The following ADAMTS16 variants were observed in gnomAD, a reference collection of about 807,000 sequenced individuals.
ADAMTS16 encodes ADAM metallopeptidase with thrombospondin type 1 motif 16.
ADAMTS16 carries 94 observed loss-of-function variants against 145.8 expected under a neutral mutation model. The observed-to-expected ratio is 0.64, with a 90% CI of 0.55 to 0.77. The LOEUF is 0.77. ADAMTS16 is among the 30% of genes least tolerant of loss of function. The pLI is 0.00. For missense variants in ADAMTS16, 1,585 were observed against 1,591.5 expected, an observed-to-expected ratio of 1.00 and a Z score of 0.07; for synonymous variants, 659 against 604.3, an observed-to-expected ratio of 1.09 and a Z score of -1.33.
intron 18 of ADAMTS16, among the ~76,000 whole-genome samples, chr5:5,297,085 T>G (rs1244881841): frequency 6.6e-6 from 1 of 152,198 alleles, no homozygotes; most frequent in Non-Finnish European, 1.5e-5. Flanking sequence ...AAAATGTGCA[T>G]CACCTTGCTT....
chr5:5,268,598 A>T (rs1410186310), intron 18 of ADAMTS16, among the ~76,000 whole-genome samples: 1 of 152,122 alleles, frequency 6.6e-6, no homozygotes, highest in Non-Finnish European at 1.5e-5. Context: ...GTATCCCTCA[A>T]GGTCCATTTC....
chr5:5,235,236 A>G (rs749689285), intron 13 of ADAMTS16, 50 bp downstream of exon 13: 7 of 1,446,302 alleles, frequency 4.8e-6, no homozygotes, highest in Non-Finnish European at 6.5e-6. Flanking sequence ...TACTACCTTT[A>G]CTTTTTAAAG....
At chr5:5,246,667 T>C (rs1737452452) in intron 17 of ADAMTS16, among the ~76,000 whole-genome samples, 1 of 152,250 alleles carries the variant, frequency 6.6e-6, no homozygotes, top group African/African-American at 2.4e-5. Context: ...AAAGTCGGTG[T>C]TGCTTTACAT....
rs1734216040 is a variant in ADAMTS16 at position 5,319,829 on chromosome 5, C to T, written c.*691C>T. 1 of 453,882 alleles carries T rather than the reference C, an allele frequency of 2.2e-6. No homozygotes were observed. Among genetic ancestry groups the T allele is most frequent in the Non-Finnish European group, 4.4e-6 (1 of 226,374 alleles). The allele number at this position is 453,882 out of a possible 1,614,324, so 28.1% of individuals were successfully genotyped here. A position where few individuals can be genotyped will look rare whatever the true frequency, so the allele number is the denominator to read the frequency against. On this transcript the variant is annotated 3_prime_UTR_variant, in exon 23 of 23. Coordinates refer to ENST00000274181, the MANE Select transcript of ADAMTS16 (RefSeq NM_139056.4). Reference sequence around the variant, plus strand: ...CCTGCTAAGGTGCTTCTATCTCTTTCAGATTCATGCATTGAAGGAGAGATT... The same window carrying T: ...CCTGCTAAGGTGCTTCTATCTCTTTTAGATTCATGCATTGAAGGAGAGATT...
chr5:5,198,778 G>A (rs1445271292), intron 8 of ADAMTS16, among the ~76,000 whole-genome samples: 1 of 152,190 alleles, frequency 6.6e-6, no homozygotes, highest in Non-Finnish European at 1.5e-5. Flanking sequence ...AACAAGTACA[G>A]ATTCTCTTGA....
chr5:5,272,115 G>A (rs559916333), intron 18 of ADAMTS16, among the ~76,000 whole-genome samples: 2 of 152,204 alleles, frequency 1.3e-5, no homozygotes, highest in East Asian at 1.9e-4. Context: ...TAATGCACCC[G>A]TTACCAAGGG....
chr5:5,208,196 C>T (rs181073794), intron 9 of ADAMTS16, among the ~76,000 whole-genome samples: 7 of 152,132 alleles, frequency 4.6e-5, no homozygotes, highest in South Asian at 4.1e-4. Flanking sequence ...AGCAGTGGAA[C>T]GTGGGACTGG....
rs1739810396 is a variant in ADAMTS16 at position 5,302,217 on chromosome 5, G to A, written c.2790-1051G>A. Among the ~76,000 whole-genome samples the A allele has an allele frequency of 3.3e-5, 5 of 152,312 alleles. No homozygotes were observed. In the South Asian group the frequency reaches 8.3e-4, roughly 25 times the overall value. On this transcript the variant is annotated intron_variant, in intron 18 of 22. Transcript: ENST00000274181. Reference sequence around the variant, plus strand: ...TGTCTTGATCAAAGGTGATGCCACTGGGCAAAGCCTGGCTCAGACTCCACT... The same window carrying A: ...TGTCTTGATCAAAGGTGATGCCACTAGGCAAAGCCTGGCTCAGACTCCACT...
intron 11 of ADAMTS16, among the ~76,000 whole-genome samples, chr5:5,224,444 C>A (rs1403011393): frequency 6.6e-6 from 1 of 152,134 alleles, no homozygotes; most frequent in Non-Finnish European, 1.5e-5. Flanking sequence ...CGCCCGCCAC[C>A]ACACCCAGCT....
intron 9 of ADAMTS16, among the ~76,000 whole-genome samples, chr5:5,206,993 T>C (rs1266175194): frequency 2.0e-5 from 3 of 152,242 alleles, no homozygotes; most frequent in Non-Finnish European, 4.4e-5. Context: ...GTATTGTCAG[T>C]CTTTGTTCTC....
rs1433236463 is a variant in ADAMTS16 at position 5,181,951 on chromosome 5, A to G, written c.502-93A>G. 4.3e-6 allele frequency: 6 copies of G among 1,387,624 alleles called. No homozygotes were observed. In the East Asian group the frequency reaches 1.4e-4, roughly 32 times the overall value. 86.0% of individuals were successfully genotyped at this position (1,387,624 alleles called of 1,614,324 possible). ...CTGGAGGGAACAGCATGCTTCCAAG[A>G]GAATAATAACAAATGCAATGCTTGG... On this transcript the variant is annotated intron_variant, in intron 3 of 22. Transcript: ENST00000274181.
intron 10 of ADAMTS16, among the ~76,000 whole-genome samples, chr5:5,217,250 A>G (rs1471678141): frequency 1.3e-5 from 2 of 151,948 alleles, no homozygotes; most frequent in African/African-American, 4.8e-5. Flanking sequence ...TAAAAACCCT[A>G]GAAGAAAACC....
intron 18 of ADAMTS16, among the ~76,000 whole-genome samples, chr5:5,287,389 C>G (rs897543384): frequency 6.6e-6 from 1 of 152,170 alleles, no homozygotes; most frequent in Non-Finnish European, 1.5e-5. Flanking sequence ...GACAGTATTC[C>G]TGAGTCTGCT....
chr5:5,164,012 C>G (rs1022795274), intron 3 of ADAMTS16, among the ~76,000 whole-genome samples: 1 of 152,158 alleles, frequency 6.6e-6, no homozygotes, highest in Admixed American at 6.5e-5. Context: ...CTTTATCACA[C>G]CCCACCCACA....
chr5:5,288,128 C>T (rs974346934), intron 18 of ADAMTS16, among the ~76,000 whole-genome samples: 2 of 152,108 alleles, frequency 1.3e-5, no homozygotes, highest in Admixed American at 1.3e-4. Flanking sequence ...GTCGTCACAG[C>T]GGGGAGGGTT....
chr5:5,272,642 G>A (rs1339342943), intron 18 of ADAMTS16, among the ~76,000 whole-genome samples: 3 of 152,146 alleles, frequency 2.0e-5, no homozygotes, highest in Non-Finnish European at 4.4e-5. Flanking sequence ...TGGGATTACA[G>A]GCGTGAGCCA....
At chr5:5,227,916 C>T (rs770646929) in intron 11 of ADAMTS16, among the ~76,000 whole-genome samples, 42 of 152,004 alleles carry the variant, frequency 2.8e-4, no homozygotes, top group Non-Finnish European at 4.4e-4. Flanking sequence ...TGTAAAAATG[C>T]GATGAGGGAC....
At chr5:5,199,409 G>A (rs532197908) in intron 8 of ADAMTS16, among the ~76,000 whole-genome samples, 2 of 152,126 alleles carry the variant, frequency 1.3e-5, no homozygotes, top group African/African-American at 4.8e-5. Context: ...TTCACATGAA[G>A]GTAACCTGTG....
chr5:5,186,701 G>A (rs1175847686), intron 5 of ADAMTS16, among the ~76,000 whole-genome samples: 1 of 152,120 alleles, frequency 6.6e-6, no homozygotes, highest in Admixed American at 6.5e-5. Flanking sequence ...AACAGGAAAA[G>A]TGCAACCTTT....
Sources: allele counts gnomAD v4.1 joint callset (sites outside exome capture counted in the v4.1 genomes callset), GRCh38; gene constraint gnomAD v4.1.1; transcripts MANE v1.5; gene names NCBI Gene and HGNC (gene_info 2026-07-23, HGNC 2026-07-21).